Variants in GPR158 observed in about 807,000 individuals in gnomAD.
GPR158 encodes metabotropic glycine receptor.
GPR158 carries 30 observed loss-of-function variants against 78.2 expected under a neutral mutation model. The ratio of observed to expected loss-of-function variants is 0.38; its 90% CI spans 0.29 to 0.52. The LOEUF (loss-of-function observed/expected upper bound fraction) is 0.52. Ranked by LOEUF, GPR158 falls within the 20% of genes least tolerant of loss-of-function variation. The pLI is 0.83. For missense variants in GPR158, 1,463 were observed against 1,523.5 expected, an observed-to-expected ratio of 0.96 and a Z score of 0.66; for synonymous variants, 581 against 591.1, an observed-to-expected ratio of 0.98 and a Z score of 0.25.
chr10:25,387,516 ATTTT>A (rs57404980), intron 2 of GPR158, among the ~76,000 whole-genome samples: 4 of 140,468 alleles, frequency 2.8e-5, no homozygotes, highest in Non-Finnish European at 4.6e-5. Flanking sequence ...TTCTCTTCAA[ATTTT>A]TTTTTTTTTT....
At chr10:25,276,114 GA>G (rs1418498457) in intron 2 of GPR158, among the ~76,000 whole-genome samples, 1 of 152,128 alleles carries the variant, frequency 6.6e-6, no homozygotes, top group African/African-American at 2.4e-5. Context: ...GCTTTCAGAG[GA>G]ATTTGATCCC....
At chr10:25,385,229 G>A (rs1834207106) in intron 2 of GPR158, among the ~76,000 whole-genome samples, 2 of 152,056 alleles carry the variant, frequency 1.3e-5, no homozygotes, top group African/African-American at 4.8e-5. Flanking sequence ...TTGGCTTTTT[G>A]TGCTAGGTTT....
chr10:25,424,221 A>G (rs1287150253), intron 4 of GPR158, among the ~76,000 whole-genome samples: 1 of 151,914 alleles, frequency 6.6e-6, no homozygotes, highest in African/African-American at 2.4e-5. Context: ...CCACTTTTTG[A>G]TGGGGTTGTT....
At chr10:25,254,537 A>T (rs1234305254) in intron 2 of GPR158, among the ~76,000 whole-genome samples, 2 of 152,214 alleles carry the variant, frequency 1.3e-5, no homozygotes, top group Admixed American at 6.5e-5. Context: ...TAAAAGGCTC[A>T]TAAATAAATG....
chr10:25,521,711 C>T (rs74124054), intron 5 of GPR158, among the ~76,000 whole-genome samples: 2,846 of 152,214 alleles, frequency 0.019, 89 homozygotes, highest in African/African-American at 0.064. Flanking sequence ...AAACATGGAA[C>T]GCTTCATGAA....
At chr10:25,331,407 GA>G (rs1204494819) in intron 2 of GPR158, among the ~76,000 whole-genome samples, 1 of 152,124 alleles carries the variant, frequency 6.6e-6, no homozygotes, top group Non-Finnish European at 1.5e-5. Flanking sequence ...TTTAGTACTT[GA>G]ATTAGATGAA....
chr10:25,511,727 A>G (rs1242339828), intron 5 of GPR158, among the ~76,000 whole-genome samples: 1 of 152,046 alleles, frequency 6.6e-6, no homozygotes, highest in Admixed American at 6.6e-5. Context: ...AGAGATGAGG[A>G]TCCAGTTTCA....
chr10:25,239,450 T>C (rs918703947), intron 2 of GPR158, among the ~76,000 whole-genome samples: 3 of 151,804 alleles, frequency 2.0e-5, no homozygotes, highest in Admixed American at 6.6e-5. Context: ...CTGCTAAAAA[T>C]ACAAAAAATG....
intron 2 of GPR158, among the ~76,000 whole-genome samples, chr10:25,361,248 G>T (rs1024365761): frequency 6.6e-6 from 1 of 151,766 alleles, no homozygotes; most frequent in African/African-American, 2.4e-5. Context: ...CAACTATGTT[G>T]TGGCATATGA....
At chr10:25,402,905 GGC>G (rs1352388378) in intron 3 of GPR158, among the ~76,000 whole-genome samples, 9 of 151,498 alleles carry the variant, frequency 5.9e-5, no homozygotes, top group African/African-American at 2.2e-4. Flanking sequence ...AAAGAGACAT[GGC>G]TTTAAATTAT....
At chr10:25,203,007 G>C (rs1056145884) in intron 1 of GPR158, among the ~76,000 whole-genome samples, 1 of 152,206 alleles carries the variant, frequency 6.6e-6, no homozygotes, top group Non-Finnish European at 1.5e-5. Flanking sequence ...GATGGCCAGT[G>C]ATGGTGAGCA....
chr10:25,298,695 C>G (rs59521850), intron 2 of GPR158, among the ~76,000 whole-genome samples: 3 of 151,958 alleles, frequency 2.0e-5, no homozygotes, highest in Admixed American at 2.0e-4. Context: ...CTGTGTACTT[C>G]TCAGCAGTTT....
chr10:25,254,744 G>A (rs1476366004), intron 2 of GPR158, among the ~76,000 whole-genome samples: 1 of 152,156 alleles, frequency 6.6e-6, no homozygotes, highest in Non-Finnish European at 1.5e-5. Flanking sequence ...TGTGATTGGA[G>A]ACTGAAACTT....
intron 3 of GPR158, among the ~76,000 whole-genome samples, chr10:25,411,051 A>C (rs930705326): frequency 6.6e-6 from 1 of 152,060 alleles, no homozygotes; most frequent in Non-Finnish European, 1.5e-5. Context: ...CATATTCATT[A>C]ATGTCTTTTA....
At chr10:25,179,831 A>G (rs1852591767) in intron 1 of GPR158, among the ~76,000 whole-genome samples, 1 of 152,164 alleles carries the variant, frequency 6.6e-6, no homozygotes, top group Non-Finnish European at 1.5e-5. Flanking sequence ...ATAATTTAAG[A>G]TATACCCTGA....
chr10:25,398,134 C>G (rs1036332831), intron 3 of GPR158, among the ~76,000 whole-genome samples: 1 of 152,172 alleles, frequency 6.6e-6, no homozygotes, highest in Non-Finnish European at 1.5e-5. Context: ...AGAATGCAGC[C>G]TAGCCAAAAC....
At chr10:25,185,619 C>T (rs865810824) in intron 1 of GPR158, among the ~76,000 whole-genome samples, 1 of 152,120 alleles carries the variant, frequency 6.6e-6, no homozygotes, top group Non-Finnish European at 1.5e-5. Flanking sequence ...GTCAGGAGAT[C>T]GAGACTATCC....
At chr10:25,439,416 G>A (rs1835039341) in intron 4 of GPR158, among the ~76,000 whole-genome samples, 1 of 152,110 alleles carries the variant, frequency 6.6e-6, no homozygotes, top group Admixed American at 6.6e-5. Flanking sequence ...GGGAATTATA[G>A]GAATACAATT....
chr10:25,483,951 C>T (rs1453046590), intron 5 of GPR158, among the ~76,000 whole-genome samples: 3 of 152,182 alleles, frequency 2.0e-5, no homozygotes, highest in East Asian at 3.8e-4. Flanking sequence ...TATACACATG[C>T]AGCACACAGA....
Sources: allele counts gnomAD v4.1 joint callset (sites outside exome capture counted in the v4.1 genomes callset), GRCh38; gene constraint gnomAD v4.1.1; transcripts MANE v1.5; gene names NCBI Gene and HGNC (gene_info 2026-07-23, HGNC 2026-07-21).